The following LYPD6 variants were observed in gnomAD, a reference collection of about 807,000 sequenced individuals.
LYPD6 encodes ly6/PLAUR domain-containing protein 6.
Under a neutral mutation model 22.7 loss-of-function variants are expected in LYPD6, and 15 were observed. That is an observed-to-expected ratio of 0.66 (90% confidence interval 0.44 to 1.02). LYPD6 has a LOEUF of 1.02. LYPD6 is among the 50% of genes least tolerant of loss of function. The pLI is 0.00. For missense variants in LYPD6, 189 were observed against 208.4 expected (o/e 0.91, Z 0.57); for synonymous variants, 72 against 77.5 (o/e 0.93, Z 0.37).
intron 1 of LYPD6, among the ~76,000 whole-genome samples, chr2:149,364,542 C>T (rs1239927707): frequency 1.4e-5 from 2 of 145,686 alleles, no homozygotes; most frequent in African/African-American, 2.6e-5. Flanking sequence ...TTACAGAGTA[C>T]AATTTTTTTT....
downstream of LYPD6, among the ~76,000 whole-genome samples, chr2:149,478,284 CCT>C (rs1486883102): frequency 1.3e-5 from 2 of 152,060 alleles, no homozygotes; most frequent in Admixed American, 1.3e-4. Flanking sequence ...CCTCAGAGCC[CCT>C]GTTCAGTGGT....
chr2:149,358,216 C>T (rs1681483058), intron 1 of LYPD6, among the ~76,000 whole-genome samples: 1 of 152,102 alleles, frequency 6.6e-6, no homozygotes, highest in Non-Finnish European at 1.5e-5. Context: ...CTTAAAGAGA[C>T]CAAATAATAT....
At chr2:149,412,924 T>C (rs1682883986) in intron 1 of LYPD6, among the ~76,000 whole-genome samples, 1 of 152,230 alleles carries the variant, frequency 6.6e-6, no homozygotes. Flanking sequence ...CTCTCCATAC[T>C]ACCTTTTGAG....
At chr2:149,465,236 G>C (rs1362686197) in intron 3 of LYPD6, among the ~76,000 whole-genome samples, 1 of 152,134 alleles carries the variant, frequency 6.6e-6, no homozygotes, top group Non-Finnish European at 1.5e-5. Context: ...CCACAGATGA[G>C]ATTATCCATA....
At chr2:149,406,267 GA>G (rs1682705101) in intron 1 of LYPD6, among the ~76,000 whole-genome samples, 3 of 152,064 alleles carry the variant, frequency 2.0e-5, no homozygotes, top group Admixed American at 6.5e-5. Context: ...GTGCAGAGCT[GA>G]GTTCAATTCC....
chr2:149,372,323 T>C (rs778345915), intron 1 of LYPD6, among the ~76,000 whole-genome samples: 14 of 152,228 alleles, frequency 9.2e-5, no homozygotes, highest in Non-Finnish European at 1.9e-4. Context: ...ACTTTGCTTA[T>C]GCTATTGTAC....
At position 149,420,216 on chromosome 2, in the gene LYPD6, G is replaced by A. The variant is rs73964424; in HGVS notation, c.-71-17422G>A. 4.9e-3 allele frequency among the ~76,000 whole-genome samples: 749 copies of A among 152,320 alleles called. 6 individuals are homozygous for A. The highest frequency in any genetic ancestry group is 0.017 in the African/African-American group (704 of 41,578). ...CCCAGTGAGCTGAAGGCATCTCAGT[G>A]TGCCACTGCAAACGAGGACATTGAA... On this transcript the variant is annotated intron_variant, in intron 1 of 4. Coordinates refer to ENST00000334166, the MANE Select transcript of LYPD6 (RefSeq NM_194317.5).
At chr2:149,381,306 A>C (rs1682057087) in intron 1 of LYPD6, among the ~76,000 whole-genome samples, 1 of 152,096 alleles carries the variant, frequency 6.6e-6, no homozygotes, top group Admixed American at 6.6e-5. Context: ...GCTGGTACTG[A>C]TGTAGTAGAG....
intron 2 of LYPD6, 100 bp downstream of exon 2, chr2:149,437,926 C>A: frequency 7.6e-7 from 1 of 1,312,112 alleles, no homozygotes; most frequent in Non-Finnish European, 1.1e-6. Flanking sequence ...TAGTGAAAAC[C>A]TCCCGTGATT....
intron 1 of LYPD6, among the ~76,000 whole-genome samples, chr2:149,413,390 A>G (rs970119670): frequency 3.9e-5 from 6 of 152,238 alleles, no homozygotes; most frequent in African/African-American, 1.2e-4. Context: ...TGTGTAAAGA[A>G]AAGTGAAATG....
chr2:149,419,670 C>G lies in LYPD6; in HGVS notation c.-71-17968C>G, dbSNP rs148554331. ...CATTTATCCTCACTACCTGCGTGCT[C>G]TCATGCACAGACAAGCTGGCAGAAA... is the stretch of plus-strand genomic sequence containing the variant. On this transcript the variant is annotated intron_variant, in intron 1 of 4. Coordinates refer to ENST00000334166, the MANE Select transcript of LYPD6 (RefSeq NM_194317.5). 5.3e-5 allele frequency among the ~76,000 whole-genome samples: 8 copies of G among 152,318 alleles called. No individual in the cohort carries two copies. In the East Asian group the frequency reaches 1.5e-3, roughly 29 times the overall value.
rs529642121 is a variant in LYPD6, at chr2:149,356,513, C to T, written c.-72+25791C>T. On this transcript the variant is annotated intron_variant, in intron 1 of 4. Transcript: ENST00000334166. Reference sequence around the variant, plus strand: ...CTGGATGTCTTCTTTTTCCCCATTACCTCTAGCCTGAGTGCCATTTCTTTT... The same window carrying T: ...CTGGATGTCTTCTTTTTCCCCATTATCTCTAGCCTGAGTGCCATTTCTTTT... Among the ~76,000 whole-genome samples the T allele has an allele frequency of 3.3e-5, 5 of 152,298 alleles. No individual in the cohort carries two copies. The South Asian group carries it at 1.0e-3, about 32-fold the overall frequency.
intron 3 of LYPD6, among the ~76,000 whole-genome samples, chr2:149,453,526 A>C (rs1461987711): frequency 6.6e-6 from 1 of 152,166 alleles, no homozygotes; most frequent in Admixed American, 6.5e-5. Flanking sequence ...AAAATTATTG[A>C]GTTAGAGGAC....
chr2:149,459,888 T>C (rs1726490), intron 3 of LYPD6, among the ~76,000 whole-genome samples: 95,075 of 149,288 alleles, frequency 0.64, 30,533 homozygotes, highest in East Asian at 0.85. Context: ...GGTGACAGAG[T>C]AAGACTTTGT....
intron 1 of LYPD6, among the ~76,000 whole-genome samples, chr2:149,361,784 T>C (rs1208680688): frequency 6.6e-6 from 1 of 152,188 alleles, no homozygotes; most frequent in Non-Finnish European, 1.5e-5. Flanking sequence ...TTGGAACCTG[T>C]CAGTATGTTA....
chr2:149,421,942 A>T (rs6712650), intron 1 of LYPD6, among the ~76,000 whole-genome samples: 38,131 of 151,998 alleles, frequency 0.25, 5,503 homozygotes, highest in African/African-American at 0.4. Flanking sequence ...TCACCACAAG[A>T]TGCTGATCTT....
Position 149,422,914 on chromosome 2 carries a change from A to G in LYPD6, c.-71-14724A>G, listed in dbSNP as rs137963478. Among the ~76,000 whole-genome samples the G allele has an allele frequency of 8.5e-3, 1,294 of 152,184 alleles. 23 individuals carry two copies. The highest frequency in any genetic ancestry group is 0.029 in the African/African-American group (1,223 of 41,528). On this transcript the variant is annotated intron_variant, in intron 1 of 4. Coordinates refer to ENST00000334166, the MANE Select transcript of LYPD6 (RefSeq NM_194317.5). The stretch of plus-strand genomic sequence containing the variant: ...AGCATAATGTCCTCTAGGTTCATCC[A>G]TGTTGCTGCAATTGAATTTTAACAG...
chr2:149,381,943 G>A (rs1682075351), intron 1 of LYPD6, among the ~76,000 whole-genome samples: 1 of 152,062 alleles, frequency 6.6e-6, no homozygotes, highest in African/African-American at 2.4e-5. Context: ...GTACTCATAG[G>A]ATCTCTTTTT....
At chr2:149,335,872 G>A (rs1041412434) in intron 1 of LYPD6, among the ~76,000 whole-genome samples, 1 of 152,138 alleles carries the variant, frequency 6.6e-6, no homozygotes, top group African/African-American at 2.4e-5. Context: ...AGGAACAAAA[G>A]GCTATACCAT....
Sources: allele counts gnomAD v4.1 joint callset (sites outside exome capture counted in the v4.1 genomes callset), GRCh38; gene constraint gnomAD v4.1.1; transcripts MANE v1.5; gene names NCBI Gene and HGNC (gene_info 2026-07-23, HGNC 2026-07-21).